NKAIN3: variants seen among roughly 807,000 people sequenced by gnomAD.
NKAIN3 encodes the protein sodium/potassium-transporting ATPase subunit beta-1-interacting protein 3.
NKAIN3 carries 25 observed loss-of-function variants against 30.2 expected under a neutral mutation model. That is an observed-to-expected ratio of 0.83 (90% CI 0.60 to 1.16). NKAIN3 has a LOEUF of 1.16. NKAIN3 is among the 50% of genes most tolerant of loss of function. The pLI is 0.00. For missense variants in NKAIN3, 225 were observed against 254.1 expected (o/e 0.89, Z 0.78); for synonymous variants, 91 against 89.6 (o/e 1.02, Z -0.09).
In NKAIN3 at chr8:62,666,575, C is replaced by T. The variant is rs1332940173; in HGVS notation, c.273+76781C>T. ...ATATCTGTCATTTTGTGATTTTTTT[C>T]TTATACTAAATAATTTCTCATTTTA... On this transcript the variant is annotated intron_variant, in intron 3 of 6. Coordinates refer to ENST00000623646, the MANE Select transcript of NKAIN3 (RefSeq NM_001304533.3). Among the ~76,000 whole-genome samples, 3 of 151,996 alleles carry T rather than the reference C, an allele frequency of 2.0e-5. No individual in the cohort carries two copies. The East Asian group carries it at 5.8e-4, about 29-fold the overall frequency.
At chr8:62,815,866 A>G (rs1424111932) in intron 4 of NKAIN3, among the ~76,000 whole-genome samples, 1 of 151,796 alleles carries the variant, frequency 6.6e-6, no homozygotes, top group African/African-American at 2.4e-5. Context: ...TGCTGTTCCA[A>G]TATTTCAATA....
intron 4 of NKAIN3, among the ~76,000 whole-genome samples, chr8:62,881,488 A>G (rs1180267834): frequency 6.6e-6 from 1 of 152,194 alleles, no homozygotes; most frequent in Non-Finnish European, 1.5e-5. Context: ...CTACAGTGAT[A>G]AAAGGTGTGT....
At chr8:62,329,034 G>A (rs1815245889) in intron 1 of NKAIN3, among the ~76,000 whole-genome samples, 2 of 152,016 alleles carry the variant, frequency 1.3e-5, no homozygotes, top group South Asian at 2.1e-4. Context: ...GTCATCAGCA[G>A]CTTTGTGAAG....
chr8:62,273,462 T>C (rs1391324819), intron 1 of NKAIN3, among the ~76,000 whole-genome samples: 1 of 152,186 alleles, frequency 6.6e-6, no homozygotes, highest in African/African-American at 2.4e-5. Context: ...CAGTTTAAGA[T>C]GGTCAGTGAT....
At chr8:62,758,943 A>C (rs1408348510) in intron 4 of NKAIN3, among the ~76,000 whole-genome samples, 1 of 152,172 alleles carries the variant, frequency 6.6e-6, no homozygotes, top group African/African-American at 2.4e-5. Context: ...GTAAACAATA[A>C]ACTTGGGATT....
intron 1 of NKAIN3, among the ~76,000 whole-genome samples, chr8:62,298,927 TTA>T (rs757451524): frequency 6.6e-6 from 1 of 151,106 alleles, no homozygotes; most frequent in East Asian, 1.9e-4. Context: ...TGAGTGTGCT[TTA>T]TGTCTTCCCC....
intron 1 of NKAIN3, among the ~76,000 whole-genome samples, chr8:62,511,835 T>G (rs1339964400): frequency 6.6e-6 from 1 of 152,208 alleles, no homozygotes; most frequent in African/African-American, 2.4e-5. Context: ...GGTACTGCCT[T>G]GGGAAAGCCT....
At chr8:62,490,324 G>C (rs1807028099) in intron 1 of NKAIN3, among the ~76,000 whole-genome samples, 1 of 152,126 alleles carries the variant, frequency 6.6e-6, no homozygotes, top group African/African-American at 2.4e-5. Context: ...CCTTCTTGAT[G>C]GCCTGCCTTA....
intron 4 of NKAIN3, among the ~76,000 whole-genome samples, chr8:62,780,599 G>C (rs1817326966): frequency 6.6e-6 from 1 of 151,876 alleles, no homozygotes; most frequent in Non-Finnish European, 1.5e-5. Flanking sequence ...TGATCAAGTG[G>C]GATTTATTCC....
At chr8:62,505,675 T>A (rs1277683618) in intron 1 of NKAIN3, among the ~76,000 whole-genome samples, 1 of 152,166 alleles carries the variant, frequency 6.6e-6, no homozygotes, top group African/African-American at 2.4e-5. Flanking sequence ...TAGATCCATA[T>A]CCAGTAGTAT....
intron 3 of NKAIN3, among the ~76,000 whole-genome samples, chr8:62,727,603 C>T (rs1464868602): frequency 6.6e-6 from 1 of 152,022 alleles, no homozygotes; most frequent in Non-Finnish European, 1.5e-5. Context: ...TGCAGTAGCA[C>T]CCCCAAAATG....
intron 1 of NKAIN3, among the ~76,000 whole-genome samples, chr8:62,379,135 G>GTTGGAT (rs766571359): frequency 9.9e-5 from 15 of 152,242 alleles, no homozygotes; most frequent in Non-Finnish European, 1.9e-4. Flanking sequence ...TGACAACTCT[G>GTTGGAT]TTGGATTTTG....
intron 3 of NKAIN3, among the ~76,000 whole-genome samples, chr8:62,740,627 G>A (rs1314291850): frequency 1.0e-5 from 1 of 95,826 alleles, no homozygotes; most frequent in Non-Finnish European, 2.0e-5. Flanking sequence ...GTGGTATACT[G>A]TAAAGAAGTG....
chr8:62,427,978 C>T (rs1804863133), intron 1 of NKAIN3, among the ~76,000 whole-genome samples: 1 of 151,840 alleles, frequency 6.6e-6, no homozygotes, highest in Non-Finnish European at 1.5e-5. Flanking sequence ...ATTAACCAAC[C>T]TGTTTTCACC....
At chr8:62,249,240 C>G (rs971852901) in intron 1 of NKAIN3, 113 bp downstream of exon 1, 2 of 878,702 alleles carry the variant, frequency 2.3e-6, no homozygotes, top group Non-Finnish European at 3.3e-6. Flanking sequence ...GTGAACAGGG[C>G]GCTCCGCCCG....
At chr8:62,518,716 A>T (rs1330580240) in intron 1 of NKAIN3, among the ~76,000 whole-genome samples, 2 of 152,154 alleles carry the variant, frequency 1.3e-5, no homozygotes, top group Non-Finnish European at 2.9e-5. Flanking sequence ...ATGATTTTTC[A>T]AAGTTAAAAG....
At chr8:62,540,855 T>C (rs1186645643) in intron 1 of NKAIN3, among the ~76,000 whole-genome samples, 1 of 152,208 alleles carries the variant, frequency 6.6e-6, no homozygotes, top group Non-Finnish European at 1.5e-5. Context: ...TGAAAGAAGA[T>C]GTTTTGTTTT....
chr8:62,252,530 C>G (rs1483817609), intron 1 of NKAIN3, among the ~76,000 whole-genome samples: 1 of 152,126 alleles, frequency 6.6e-6, no homozygotes, highest in African/African-American at 2.4e-5. Context: ...ACTGCTCTGG[C>G]TGTCTTTCAT....
At chr8:62,450,574 GTACTAT>G (rs762557423) in intron 1 of NKAIN3, among the ~76,000 whole-genome samples, 1 of 152,160 alleles carries the variant, frequency 6.6e-6, no homozygotes, top group African/African-American at 2.4e-5. Context: ...CAGTGAGGGA[GTACTAT>G]TACTATCTTC....
Sources: allele counts gnomAD v4.1 joint callset (sites outside exome capture counted in the v4.1 genomes callset), GRCh38; gene constraint gnomAD v4.1.1; transcripts MANE v1.5; gene names NCBI Gene and HGNC (gene_info 2026-07-23, HGNC 2026-07-21).